COL23A1: variants seen among roughly 807,000 people sequenced by gnomAD.
COL23A1 encodes collagen type XXIII alpha 1 chain.
Under a neutral mutation model 99.3 loss-of-function variants are expected in COL23A1, and 97 were observed. The ratio of observed to expected loss-of-function variants is 0.98; its 90% confidence interval spans 0.83 to 1.16. COL23A1 has a LOEUF of 1.16. Ranked by LOEUF, COL23A1 falls within the 50% of genes most tolerant of loss-of-function variation. COL23A1 has a pLI of 0.00. For synonymous variants in COL23A1, 320 were observed against 308.2 expected (o/e 1.04, Z -0.40); for missense variants, 762 against 757.4 (o/e 1.01, Z -0.07).
chr5:178,525,048 G>A (rs1246617614), intron 2 of COL23A1, among the ~76,000 whole-genome samples: 1 of 151,404 alleles, frequency 6.6e-6, no homozygotes, highest in Admixed American at 6.6e-5. Context: ...GGTAAGAAAT[G>A]GCGACACAGC....
At chr5:178,422,151 T>A (rs945567208) in intron 2 of COL23A1, among the ~76,000 whole-genome samples, 1 of 152,176 alleles carries the variant, frequency 6.6e-6, no homozygotes, top group Admixed American at 6.5e-5. Context: ...AGCAAGATTT[T>A]GAAGAGCGCA....
rs373923838 is a variant in COL23A1 at position 178,402,337 on chromosome 5, C to A, written c.362-95418G>T. On this transcript the variant is annotated intron_variant, in intron 2 of 28. Coordinates refer to ENST00000390654, the MANE Select transcript of COL23A1 (RefSeq NM_173465.4). ...GAGACCCTGTCTCTAAAAACAGAGACACAGAAAAACATATTTGGAGCCAAA... is the reference window on the plus strand; with the variant it reads ...GAGACCCTGTCTCTAAAAACAGAGAAACAGAAAAACATATTTGGAGCCAAA... Among the ~76,000 whole-genome samples, 37 of 152,016 alleles carry A rather than the reference C, an allele frequency of 2.4e-4. 3 individuals carry two copies. The South Asian group carries it at 5.2e-3, about 21-fold the overall frequency.
chr5:178,460,713 C>A (rs778421095), intron 2 of COL23A1, among the ~76,000 whole-genome samples: 1 of 152,198 alleles, frequency 6.6e-6, no homozygotes, highest in Non-Finnish European at 1.5e-5. Flanking sequence ...CTTTGCCCTG[C>A]TTTTCTTATC....
At chr5:178,522,656 A>G (rs541569073) in intron 2 of COL23A1, among the ~76,000 whole-genome samples, 1 of 152,292 alleles carries the variant, frequency 6.6e-6, no homozygotes, top group East Asian at 1.9e-4. Flanking sequence ...GACAACGGGG[A>G]CAGTGGTGGA....
chr5:178,273,166 C>A (rs921294952), intron 5 of COL23A1, among the ~76,000 whole-genome samples: 2 of 152,246 alleles, frequency 1.3e-5, no homozygotes, highest in Non-Finnish European at 2.9e-5. Flanking sequence ...CGCAGAGCCA[C>A]AGGGCTCTGC....
chr5:178,360,359 A>C (rs1762109399), intron 2 of COL23A1, among the ~76,000 whole-genome samples: 1 of 152,242 alleles, frequency 6.6e-6, no homozygotes, highest in South Asian at 2.1e-4. Flanking sequence ...ATCTTTTCCC[A>C]GCGGGGACAG....
intron 27 of COL23A1, among the ~76,000 whole-genome samples, chr5:178,240,527 C>A (rs376934837): frequency 3.3e-5 from 5 of 152,184 alleles, no homozygotes; most frequent in African/African-American, 9.6e-5. Flanking sequence ...GGCCTCCGCA[C>A]GTGGGATTCT....
At position 178,347,173 on chromosome 5, in the gene COL23A1, G is replaced by A. The variant is rs548433872; in HGVS notation, c.362-40254C>T. On this transcript the variant is annotated intron_variant, in intron 2 of 28. Coordinates refer to ENST00000390654, the MANE Select transcript of COL23A1 (RefSeq NM_173465.4). ...CCTTTCTGCAAGGATGGAAACGTCC[G>A]CTGAGCCACCCACACGGAAACTGAA... Among the ~76,000 whole-genome samples the A allele has an allele frequency of 5.3e-5, 8 of 152,302 alleles. No homozygotes were observed. The East Asian group carries it at 9.6e-4, about 18-fold the overall frequency.
At chr5:178,239,066 G>C in intron 28 of COL23A1, 75 bp downstream of exon 28, 1 of 1,526,448 alleles carries the variant, frequency 6.6e-7, no homozygotes, top group South Asian at 1.1e-5. Flanking sequence ...CAGCACCCAG[G>C]CTCTGGGGCC....
chr5:178,322,115 C>A (rs1020196260), intron 2 of COL23A1, among the ~76,000 whole-genome samples: 1 of 152,100 alleles, frequency 6.6e-6, no homozygotes, highest in Non-Finnish European at 1.5e-5. Flanking sequence ...GCCTCAGCCT[C>A]CCAAGTAGCT....
intron 2 of COL23A1, among the ~76,000 whole-genome samples, chr5:178,329,696 C>T (rs1022200270): frequency 5.9e-5 from 9 of 152,134 alleles, no homozygotes; most frequent in African/African-American, 1.2e-4. Context: ...ATCCCAGGAC[C>T]GGGAGGCCGA....
At position 178,415,492 on chromosome 5, in the gene COL23A1, T is replaced by C. The variant is rs982035736; in HGVS notation, c.362-108573A>G. On this transcript the variant is annotated intron_variant, in intron 2 of 28. Transcript: ENST00000390654. The surrounding 1 kb of genome is among the most constrained non-coding windows in gnomAD (Gnocchi z 4.6). ...CTGCCTCTCTGCACAGGCTTGCTGC[T>C]GCCAGCCGGCCTCCACGAACACTTC... 1.3e-5 allele frequency among the ~76,000 whole-genome samples: 2 copies of C among 152,200 alleles called. No individual in the cohort carries two copies. The highest frequency in any genetic ancestry group is 4.8e-5 in the African/African-American group (2 of 41,462).
At chr5:178,327,944 C>T (rs1759785646) in intron 2 of COL23A1, among the ~76,000 whole-genome samples, 1 of 152,236 alleles carries the variant, frequency 6.6e-6, no homozygotes, top group African/African-American at 2.4e-5. Flanking sequence ...TGTGTCTCAG[C>T]ACCTCGCTTT....
intron 19 of COL23A1, among the ~76,000 whole-genome samples, chr5:178,248,635 A>C (rs950384878): frequency 1.2e-4 from 19 of 152,078 alleles, no homozygotes; most frequent in Admixed American, 6.5e-4. Context: ...AGCAACGAAA[A>C]TCATGAGGAC....
intron 8 of COL23A1, among the ~76,000 whole-genome samples, chr5:178,264,695 C>T (rs986942882): frequency 6.6e-6 from 1 of 152,162 alleles, no homozygotes; most frequent in Non-Finnish European, 1.5e-5. Context: ...TTTGCTCTGT[C>T]GCTCAGGCTG....
chr5:178,300,848 GC>G (rs1197842675), intron 3 of COL23A1, among the ~76,000 whole-genome samples: 3 of 152,138 alleles, frequency 2.0e-5, no homozygotes, highest in Admixed American at 2.0e-4. Flanking sequence ...ACAGGCGTGA[GC>G]CACCATGCCT....
At chr5:178,260,256 G>C (rs1435244040) in intron 11 of COL23A1, among the ~76,000 whole-genome samples, 7 of 152,258 alleles carry the variant, frequency 4.6e-5, no homozygotes, top group African/African-American at 7.2e-5. Context: ...CCTGGAAGCA[G>C]CCAACATGTC....
intron 2 of COL23A1, among the ~76,000 whole-genome samples, chr5:178,502,528 ACT>A (rs1457714878): frequency 2.0e-5 from 3 of 151,788 alleles, no homozygotes; most frequent in African/African-American, 4.8e-5. Flanking sequence ...AATCAGAGAA[ACT>A]CTTGTGGTTT....
At chr5:178,368,019 C>T (rs888767720) in intron 2 of COL23A1, among the ~76,000 whole-genome samples, 4 of 152,048 alleles carry the variant, frequency 2.6e-5, no homozygotes, top group Admixed American at 6.5e-5. Flanking sequence ...GGGCCAGTGG[C>T]GCATGGAGGG....
Sources: allele counts gnomAD v4.1 joint callset (sites outside exome capture counted in the v4.1 genomes callset), GRCh38; gene constraint gnomAD v4.1.1; non-coding constraint Gnocchi (gnomAD v3.1); transcripts MANE v1.5; gene names NCBI Gene and HGNC (gene_info 2026-07-23, HGNC 2026-07-21).